CLASP1: variants seen among roughly 807,000 people sequenced by gnomAD.
The protein encoded by CLASP1 is cytoplasmic linker associated protein 1.
Under a neutral mutation model 192.3 loss-of-function variants are expected in CLASP1, and 38 were observed. The observed-to-expected ratio is 0.20, with a 90% CI of 0.15 to 0.26. CLASP1 has a LOEUF of 0.26. Among genes scored for constraint, CLASP1 ranks in the 10% least tolerant of loss-of-function variants. The probability of loss-of-function intolerance (pLI) is 1.00; values close to 1 mark genes in which losing one functional copy is unlikely to be tolerated. For synonymous variants in CLASP1, 691 were observed against 712.8 expected (o/e 0.97, Z 0.49); for missense variants, 1,433 against 1,932.5 (o/e 0.74, Z 4.85).
At chr2:121,430,969 TA>T (rs2081291386) in intron 19 of CLASP1, among the ~76,000 whole-genome samples, 1 of 145,084 alleles carries the variant, frequency 6.9e-6, no homozygotes, top group Admixed American at 6.8e-5. Context: ...GATTAGCGAT[TA>T]AACTTTAAAA....
At chr2:121,602,496 C>A (rs1291164753) in intron 2 of CLASP1, among the ~76,000 whole-genome samples, 1 of 152,038 alleles carries the variant, frequency 6.6e-6, no homozygotes, top group Non-Finnish European at 1.5e-5. Context: ...CCCTGAATAG[C>A]CAAAGCAACA....
rs989578824 is a variant in CLASP1 at position 121,350,238 on chromosome 2, C to T, written c.4207-1520G>A. On this transcript the variant is annotated intron_variant, in intron 37 of 39. Transcript: ENST00000263710. ...CATACAACAAAAAGGTGAAGACTAC[C>T]AGCCCACAGCTTCAGTCATCCCAGC... is the stretch of plus-strand genomic sequence containing the variant. Among the ~76,000 whole-genome samples the T allele has an allele frequency of 6.2e-4, 94 of 152,198 alleles. 5 individuals are homozygous for T. Among genetic ancestry groups the T allele is most frequent in the Non-Finnish European group, 1.5e-5 (1 of 68,046 alleles).
intron 24 of CLASP1, 52 bp downstream of exon 25, chr2:121,410,814 A>G: frequency 9.2e-7 from 1 of 1,090,548 alleles, no homozygotes; most frequent in Non-Finnish European, 1.3e-6. Flanking sequence ...ACAGAGAGAA[A>G]TGCAGATGAG....
At chr2:121,383,146 T>C (rs2072169127) in intron 32 of CLASP1, among the ~76,000 whole-genome samples, 1 of 151,876 alleles carries the variant, frequency 6.6e-6, no homozygotes. Flanking sequence ...ACTGGGAAAG[T>C]GGGGAGCTGG....
In CLASP1 at chr2:121,589,121, C is replaced by T. The variant is rs1035100934; in HGVS notation, c.195+16580G>A. Among the ~76,000 whole-genome samples, 3 of 152,198 alleles carry T rather than the reference C, an allele frequency of 2.0e-5. No homozygotes were observed. The South Asian group carries it at 6.2e-4, about 31-fold the overall frequency. ...GGGGCAGACAGAAACACAGTTCTCG[C>T]CACCAAGTCCCCAGTGCTGTCTCCA... On this transcript the variant is annotated intron_variant, in intron 2 of 39. Coordinates refer to ENST00000263710, the Ensembl canonical transcript of CLASP1.
At chr2:121,432,996 G>GA (rs1213043317) in intron 19 of CLASP1, among the ~76,000 whole-genome samples, 1 of 152,136 alleles carries the variant, frequency 6.6e-6, no homozygotes. Flanking sequence ...AAGAATTTCT[G>GA]AAATTTCACA....
intron 2 of CLASP1, among the ~76,000 whole-genome samples, chr2:121,558,682 C>G (rs1362088510): frequency 6.6e-6 from 1 of 152,274 alleles, no homozygotes; most frequent in South Asian, 2.1e-4. Flanking sequence ...GACTTCTTGG[C>G]CCTCACGCCT....
At chr2:121,488,180 A>G (rs1377546037) in intron 8 of CLASP1, among the ~76,000 whole-genome samples, 1 of 152,218 alleles carries the variant, frequency 6.6e-6, no homozygotes, top group African/African-American at 2.4e-5. Flanking sequence ...CTTAGGATAC[A>G]TTTAATTCTG....
At chr2:121,570,728 T>C (rs1433441460) in intron 2 of CLASP1, among the ~76,000 whole-genome samples, 1 of 152,200 alleles carries the variant, frequency 6.6e-6, no homozygotes, top group Non-Finnish European at 1.5e-5. Context: ...CTATTTGGAA[T>C]TTTCTGAGAA....
At position 121,482,542 on chromosome 2, in the gene CLASP1, C is replaced by T. The variant is rs187176965; in HGVS notation, c.713-12582G>A. Among the ~76,000 whole-genome samples, 225 of 152,172 alleles carry T rather than the reference C, an allele frequency of 1.5e-3. 1 individual carries two copies. The highest frequency in any genetic ancestry group is 7.1e-3 in the South Asian group (34 of 4,810). On this transcript the variant is annotated intron_variant, in intron 8 of 39. Transcript: ENST00000263710. Reference sequence around the variant, plus strand: ...ATGTCAGAAAGACTATAAACTTACCCTTAGAGCCAAAAAGCAAAGGAAGGG... The same window carrying T: ...ATGTCAGAAAGACTATAAACTTACCTTTAGAGCCAAAAAGCAAAGGAAGGG...
intron 38 of CLASP1, 62 bp from the exon 40 acceptor site, chr2:121,347,216 A>G: frequency 8.7e-7 from 1 of 1,153,066 alleles, no homozygotes; most frequent in East Asian, 2.6e-5. Flanking sequence ...CATAGCCAAC[A>G]TCTCATCAAC....
chr2:121,513,127 T>G (rs1317941662), intron 7 of CLASP1: 1 of 152,182 alleles, frequency 6.6e-6, no homozygotes, highest in Non-Finnish European at 1.5e-5. Context: ...AAAACAAAGG[T>G]GGTAACTGGA....
intron 30 of CLASP1, among the ~76,000 whole-genome samples, chr2:121,392,607 A>G: frequency 6.6e-6 from 1 of 152,192 alleles, no homozygotes; most frequent in Non-Finnish European, 1.5e-5. Context: ...GATTTTACAG[A>G]TAATAAACAA....
At chr2:121,552,930 G>C (rs2058175932) in intron 2 of CLASP1, among the ~76,000 whole-genome samples, 1 of 152,150 alleles carries the variant, frequency 6.6e-6, no homozygotes, top group Admixed American at 6.5e-5. Context: ...GCAAAGACAT[G>C]GAATCAACCT....
intron 33 of CLASP1, among the ~76,000 whole-genome samples, chr2:121,380,498 A>T (rs935952334): frequency 6.8e-6 from 1 of 147,860 alleles, no homozygotes; most frequent in African/African-American, 2.7e-5. Context: ...CATGCCACCC[A>T]ACATGGAAGC....
At chr2:121,532,911 G>C (rs2094935270) in intron 2 of CLASP1, among the ~76,000 whole-genome samples, 1 of 152,210 alleles carries the variant, frequency 6.6e-6, no homozygotes, top group Admixed American at 6.5e-5. Flanking sequence ...CATCACTTAA[G>C]TGAGTTATTT....
chr2:121,522,671 T>C (rs1434045771), intron 6 of CLASP1, among the ~76,000 whole-genome samples: 14 of 152,306 alleles, frequency 9.2e-5, no homozygotes, highest in Admixed American at 8.5e-4. Flanking sequence ...TTATTCCCCA[T>C]AATCAGTCCA....
chr2:121,502,547 G>C (rs2093789035), intron 8 of CLASP1, among the ~76,000 whole-genome samples: 1 of 152,200 alleles, frequency 6.6e-6, no homozygotes, highest in Non-Finnish European at 1.5e-5. Flanking sequence ...CCTGAAGCAG[G>C]AGATGCTCAG....
At chr2:121,567,556 T>C (rs1483535478) in intron 2 of CLASP1, among the ~76,000 whole-genome samples, 1 of 152,232 alleles carries the variant, frequency 6.6e-6, no homozygotes, top group Non-Finnish European at 1.5e-5. Context: ...TCTGCATCTC[T>C]TGTAACTGGT....
Sources: gnomAD v4.1 joint callset for allele counts (sites outside exome capture counted in the v4.1 genomes callset) on GRCh38, gnomAD v4.1.1 for gene constraint, MANE v1.5 for transcripts, NCBI Gene and HGNC (gene_info 2026-07-23, HGNC 2026-07-21) for gene names.